The following TMEM132D variants were observed in gnomAD, a reference collection of about 807,000 sequenced individuals.
TMEM132D encodes the protein mature OL transmembrane protein.
TMEM132D carries 21 observed loss-of-function variants against 62.3 expected under a neutral mutation model. The observed-to-expected ratio is 0.34, with a 90% CI of 0.24 to 0.49. TMEM132D has a LOEUF of 0.49. TMEM132D is among the 20% of genes least tolerant of loss of function. The pLI is 0.99. For missense variants in TMEM132D, 1,346 were observed against 1,402.8 expected (o/e 0.96, Z 0.65); for synonymous variants, 621 against 575.6 (o/e 1.08, Z -1.13).
chr12:129,525,911 C>G (rs1459187083), intron 3 of TMEM132D, among the ~76,000 whole-genome samples: 1 of 152,138 alleles, frequency 6.6e-6, no homozygotes, highest in Non-Finnish European at 1.5e-5. Flanking sequence ...CAGTTGCCCA[C>G]AAAAGGAAAG....
At chr12:129,182,942 G>A (rs1878108508) in intron 5 of TMEM132D, among the ~76,000 whole-genome samples, 1 of 152,144 alleles carries the variant, frequency 6.6e-6, no homozygotes, top group South Asian at 2.1e-4. Context: ...CTCATGGGGT[G>A]GTGGTTAGGT....
intron 5 of TMEM132D, among the ~76,000 whole-genome samples, chr12:129,086,192 A>ACG (rs72306602): frequency 3.7e-4 from 48 of 130,262 alleles, no homozygotes; most frequent in Middle Eastern, 3.6e-3. Context: ...TCACATAGTC[A>ACG]CGCGCGCGCG....
chr12:129,132,994 T>C (rs188497344), intron 5 of TMEM132D, among the ~76,000 whole-genome samples: 22 of 152,240 alleles, frequency 1.4e-4, no homozygotes, highest in African/African-American at 4.3e-4. Context: ...TCCTCTGATG[T>C]CTGAATGTGG....
At chr12:129,279,000 C>T (rs1881069251) in intron 4 of TMEM132D, among the ~76,000 whole-genome samples, 1 of 152,114 alleles carries the variant, frequency 6.6e-6, no homozygotes, top group South Asian at 2.1e-4. Flanking sequence ...TGGTATCAAG[C>T]AGGATTCCAG....
At chr12:129,303,046 CAT>C (rs1881761849) in intron 4 of TMEM132D, among the ~76,000 whole-genome samples, 1 of 152,190 alleles carries the variant, frequency 6.6e-6, no homozygotes, top group South Asian at 2.1e-4. Flanking sequence ...CACCTCCCCA[CAT>C]GTGTTCAATC....
rs143880543 is a variant in TMEM132D, at chr12:129,322,975, G to C, written c.1299+14659C>G. Among the ~76,000 whole-genome samples, 44 of 152,166 alleles carry C rather than the reference G, an allele frequency of 2.9e-4. No homozygotes were observed. In the East Asian group the frequency reaches 8.3e-3, roughly 29 times the overall value. Reference sequence around the variant, plus strand: ...ACTGCAAATTCATGAGGACGAATAGGCTCCATTTCCATTTAAAAATTGTCA... The same window carrying C: ...ACTGCAAATTCATGAGGACGAATAGCCTCCATTTCCATTTAAAAATTGTCA... On this transcript the variant is annotated intron_variant, in intron 4 of 8. Coordinates refer to ENST00000422113, the MANE Select transcript of TMEM132D (RefSeq NM_133448.3).
At chr12:129,142,337 C>A (rs77911256) in intron 5 of TMEM132D, among the ~76,000 whole-genome samples, 3,792 of 152,186 alleles carry the variant, frequency 0.025, 173 homozygotes, top group African/African-American at 0.087. Flanking sequence ...AAGATCATAT[C>A]CCCCAAAGAA....
chr12:129,088,600 A>C (rs1190079775), intron 5 of TMEM132D, among the ~76,000 whole-genome samples: 5 of 31,270 alleles, frequency 1.6e-4, no homozygotes, highest in African/African-American at 4.6e-4. Context: ...GGTGTCCTCC[A>C]TGACCGGGTG....
chr12:129,708,632 C>A (rs666565), intron 1 of TMEM132D, among the ~76,000 whole-genome samples: 21,219 of 88,238 alleles, frequency 0.24, 3,734 homozygotes, highest in Non-Finnish European at 0.32. Context: ...AAAAAAAAAA[C>A]ACACACACAC....
At chr12:129,176,335 A>G (rs905533591) in intron 5 of TMEM132D, among the ~76,000 whole-genome samples, 1 of 152,154 alleles carries the variant, frequency 6.6e-6, no homozygotes, top group Non-Finnish European at 1.5e-5. Flanking sequence ...CCCACAACAA[A>G]TTTACATACA....
chr12:129,769,637 A>G (rs1870667474), intron 1 of TMEM132D, among the ~76,000 whole-genome samples: 1 of 151,980 alleles, frequency 6.6e-6, no homozygotes, highest in Non-Finnish European at 1.5e-5. Context: ...AAGCCCCCTG[A>G]CTCTCAGGAA....
At chr12:129,469,702 G>T (rs899372170) in intron 3 of TMEM132D, among the ~76,000 whole-genome samples, 3 of 152,146 alleles carry the variant, frequency 2.0e-5, no homozygotes, top group African/African-American at 7.2e-5. Context: ...TTTTATAAGG[G>T]AAAAAGGAGA....
chr12:129,175,470 A>G (rs1877877520), intron 5 of TMEM132D, among the ~76,000 whole-genome samples: 1 of 152,156 alleles, frequency 6.6e-6, no homozygotes, highest in African/African-American at 2.4e-5. Flanking sequence ...AAAAGGTTGT[A>G]AGAGAAAATT....
rs751212294 is a variant in TMEM132D at position 129,074,116 on chromosome 12, A to G, written c.3059T>C (p.Leu1020Ser). 5.6e-6 allele frequency: 9 copies of G among 1,613,950 alleles called. No homozygotes were observed. The highest frequency in any genetic ancestry group is 1.3e-5 in the African/African-American group (1 of 74,882). ...KSINGQLFKPLGPIIIDGKDQ... is the reference protein window; with the variant it reads ...KSINGQLFKPSGPIIIDGKDQ... ...TTTCCCATCAATGATGATGGGTCCCAAAGGTTTGAACAGCTGCCCATTGAT... is the reference window on the plus strand; with the variant it reads ...TTTCCCATCAATGATGATGGGTCCCGAAGGTTTGAACAGCTGCCCATTGAT... Residue 1020 changes from leucine to serine, a missense_variant, in exon 9 of 9, where the codon TTG (leucine) becomes TCG (serine). By Grantham distance (145) the Leu-to-Ser change is moderately radical (BLOSUM62 -2). Transcript: ENST00000422113.
chr12:129,334,783 T>A (rs963642887), intron 4 of TMEM132D, among the ~76,000 whole-genome samples: 16 of 152,122 alleles, frequency 1.1e-4, no homozygotes, highest in Admixed American at 9.8e-4. Context: ...AGAGACAAGG[T>A]TTCACCATGT....
At chr12:129,721,967 G>T (rs1267448279) in intron 1 of TMEM132D, among the ~76,000 whole-genome samples, 1 of 152,144 alleles carries the variant, frequency 6.6e-6, no homozygotes, top group East Asian at 1.9e-4. Flanking sequence ...CAACTTAATT[G>T]CCCATGTAAA....
chr12:129,119,769 T>G (rs1317421739), intron 5 of TMEM132D, among the ~76,000 whole-genome samples: 1 of 152,168 alleles, frequency 6.6e-6, no homozygotes, highest in Non-Finnish European at 1.5e-5. Context: ...ATGGTAGGGA[T>G]GAAGTTTCTG....
intron 3 of TMEM132D, among the ~76,000 whole-genome samples, chr12:129,480,935 C>T (rs143216214): frequency 6.6e-6 from 1 of 152,252 alleles, no homozygotes; most frequent in Non-Finnish European, 1.5e-5. Context: ...TTGGAGACAA[C>T]CCGGACCCCT....
At chr12:129,734,127 T>C (rs1869343820) in intron 1 of TMEM132D, among the ~76,000 whole-genome samples, 1 of 152,174 alleles carries the variant, frequency 6.6e-6, no homozygotes, top group Admixed American at 6.5e-5. Context: ...AGGGGAGAGC[T>C]GTACCCATTC....
Sources: gnomAD v4.1 joint callset for allele counts (sites outside exome capture counted in the v4.1 genomes callset) on GRCh38, gnomAD v4.1.1 for gene constraint, MANE v1.5 for transcripts, NCBI Gene and HGNC (gene_info 2026-07-23, HGNC 2026-07-21) for gene names.